Variants in RIPOR2 observed in about 807,000 individuals in gnomAD.
The protein encoded by RIPOR2 is RHO family interacting cell polarization regulator 2.
Under a neutral mutation model 114.5 loss-of-function variants are expected in RIPOR2, and 39 were observed. The observed-to-expected ratio is 0.34, with a 90% CI of 0.26 to 0.44. The LOEUF is 0.44. Among genes scored for constraint, RIPOR2 ranks in the 20% least tolerant of loss-of-function variants. The pLI is 1.00. For synonymous variants in RIPOR2, 445 were observed against 484.4 expected (o/e 0.92, Z 1.07); for missense variants, 1,007 against 1,255.1 (o/e 0.80, Z 2.99).
intron 19 of RIPOR2, among the ~76,000 whole-genome samples, chr6:24,821,726 C>G (rs4712855): frequency 0.3 from 46,327 of 152,054 alleles, 8,209 homozygotes; most frequent in East Asian, 0.69. Flanking sequence ...GGCAGCTACA[C>G]AGGGACTAGC....
At chr6:24,830,958 C>T (rs952386730) in intron 16 of RIPOR2, among the ~76,000 whole-genome samples, 2 of 152,138 alleles carry the variant, frequency 1.3e-5, no homozygotes, top group African/African-American at 4.8e-5. Flanking sequence ...TCAAGCAAAC[C>T]ACCCACTTCG....
chr6:24,989,553 C>G (rs2113612450), intron 1 of RIPOR2, among the ~76,000 whole-genome samples: 1 of 151,936 alleles, frequency 6.6e-6, no homozygotes, highest in South Asian at 2.1e-4. Context: ...CCTCGGCCTC[C>G]CAAAGTGCTG....
chr6:24,964,149 G>A (rs1230887310), intron 1 of RIPOR2, among the ~76,000 whole-genome samples: 1 of 65,088 alleles, frequency 1.5e-5, no homozygotes, highest in African/African-American at 4.2e-5. Context: ...CATTGGCTCT[G>A]TGTGTGTGTG....
chr6:24,995,257 T>A (rs1774996539), intron 1 of RIPOR2, among the ~76,000 whole-genome samples: 1 of 152,040 alleles, frequency 6.6e-6, no homozygotes, highest in African/African-American at 2.4e-5. Context: ...TTTCCTGGGG[T>A]GGATGTGGCT....
At chr6:24,884,270 G>T (rs1052116350) in intron 1 of RIPOR2, among the ~76,000 whole-genome samples, 2 of 151,902 alleles carry the variant, frequency 1.3e-5, no homozygotes, top group African/African-American at 4.8e-5. Context: ...TTAGCCAGGC[G>T]TGGTGGTGGG....
chr6:24,982,606 C>T (rs1341603362), intron 1 of RIPOR2, among the ~76,000 whole-genome samples: 2 of 152,192 alleles, frequency 1.3e-5, no homozygotes, highest in Non-Finnish European at 2.9e-5. Context: ...TACTTTGTGG[C>T]TTCCTAAGAA....
chr6:25,034,499 T>C (rs1194839370), intron 1 of RIPOR2, among the ~76,000 whole-genome samples: 1 of 152,190 alleles, frequency 6.6e-6, no homozygotes, highest in African/African-American at 2.4e-5. Context: ...CCCAACTTGA[T>C]ACACTAGCTT....
intron 1 of RIPOR2, among the ~76,000 whole-genome samples, chr6:24,956,662 G>A (rs1449175738): frequency 2.2e-5 from 3 of 133,898 alleles, no homozygotes; most frequent in Non-Finnish European, 3.3e-5. Context: ...AAGCGGTAGA[G>A]GTGGGCTATG....
intron 1 of RIPOR2, among the ~76,000 whole-genome samples, chr6:24,950,160 G>A (rs1206713788): frequency 6.6e-6 from 1 of 152,170 alleles, no homozygotes; most frequent in Admixed American, 6.5e-5. Flanking sequence ...TCCTGGAAGA[G>A]CACCTAGTAG....
intron 1 of RIPOR2, among the ~76,000 whole-genome samples, chr6:24,919,114 T>C (rs1029749099): frequency 1.3e-5 from 2 of 152,212 alleles, no homozygotes; most frequent in Non-Finnish European, 2.9e-5. Context: ...CAAAGCCTTC[T>C]TTGGTAGCAG....
intron 1 of RIPOR2, among the ~76,000 whole-genome samples, chr6:25,020,966 C>T (rs1177850710): frequency 6.6e-6 from 1 of 152,086 alleles, no homozygotes; most frequent in Non-Finnish European, 1.5e-5. Flanking sequence ...AAATGATTCT[C>T]CTGCCTCAGC....
At chr6:24,959,784 T>A in intron 1 of RIPOR2, among the ~76,000 whole-genome samples, 1 of 152,168 alleles carries the variant, frequency 6.6e-6, no homozygotes, top group East Asian at 1.9e-4. Flanking sequence ...CTCCACACAC[T>A]AAACTGTATT....
At chr6:25,020,464 A>G (rs976338468) in intron 1 of RIPOR2, among the ~76,000 whole-genome samples, 1 of 152,224 alleles carries the variant, frequency 6.6e-6, no homozygotes, top group Admixed American at 6.5e-5. Context: ...CAATAAGTCA[A>G]TGTGATATTC....
At chr6:24,902,712 C>T (rs1768601321) in intron 1 of RIPOR2, among the ~76,000 whole-genome samples, 1 of 152,230 alleles carries the variant, frequency 6.6e-6, no homozygotes. Flanking sequence ...ACCAACTCCA[C>T]TTTCCCAAAT....
intron 15 of RIPOR2, among the ~76,000 whole-genome samples, chr6:24,834,196 C>T (rs1403945243): frequency 1.3e-5 from 2 of 152,158 alleles, no homozygotes; most frequent in African/African-American, 4.8e-5. Flanking sequence ...TAAGTGTTGG[C>T]TAACCAAGTG....
chr6:24,874,514 T>C (rs1032969372), intron 2 of RIPOR2, among the ~76,000 whole-genome samples: 12 of 152,204 alleles, frequency 7.9e-5, no homozygotes, highest in Non-Finnish European at 1.6e-4. Context: ...AGTATTAGAT[T>C]TGTTAACTGC....
chr6:25,015,477 G>A (rs1473942669), intron 1 of RIPOR2: 1 of 152,176 alleles, frequency 6.6e-6, no homozygotes, highest in Non-Finnish European at 1.5e-5. Flanking sequence ...TGGTGAAACG[G>A]TGTTTACGAC....
chr6:24,873,477 C>T (rs1765409466), intron 3 of RIPOR2, among the ~76,000 whole-genome samples, 167 bp downstream of exon 3: 1 of 152,166 alleles, frequency 6.6e-6, no homozygotes, highest in South Asian at 2.1e-4. Context: ...TGTGGAATAC[C>T]AATATATTTC....
chr6:24,843,941 T>C (rs757347867), intron 12 of RIPOR2, among the ~76,000 whole-genome samples: 1 of 152,196 alleles, frequency 6.6e-6, no homozygotes, highest in Non-Finnish European at 1.5e-5. Context: ...TTTCTTTTTC[T>C]ATTTAGGCAT....
Sources: gnomAD v4.1 joint callset for allele counts (sites outside exome capture counted in the v4.1 genomes callset) on GRCh38, gnomAD v4.1.1 for gene constraint, MANE v1.5 for transcripts, NCBI Gene and HGNC (gene_info 2026-07-23, HGNC 2026-07-21) for gene names.